The following MMD variants were observed in gnomAD, a reference collection of about 807,000 sequenced individuals.
MMD encodes monocyte to macrophage differentiation associated, also known as monocyte to macrophage differentiation factor.
Under a neutral mutation model 33.6 loss-of-function variants are expected in MMD, and 22 were observed. The observed-to-expected ratio is 0.66, with a 90% confidence interval of 0.47 to 0.94. MMD has a LOEUF of 0.94. Ranked by LOEUF, MMD falls within the 40% of genes least tolerant of loss-of-function variation. MMD has a pLI of 0.00. For missense variants in MMD, 242 were observed against 309.8 expected (o/e 0.78, Z 1.64); for synonymous variants, 97 against 103.2 (o/e 0.94, Z 0.36).
chr17:55,408,092 G>C (rs944559430), intron 3 of MMD, among the ~76,000 whole-genome samples: 2 of 152,196 alleles, frequency 1.3e-5, no homozygotes, highest in Non-Finnish European at 2.9e-5. Context: ...AAAGCCTGAA[G>C]TGGTTAAAGC....
At chr17:55,404,228 G>A (rs566692561) in intron 4 of MMD, among the ~76,000 whole-genome samples, 1 of 152,036 alleles carries the variant, frequency 6.6e-6, no homozygotes, top group African/African-American at 2.4e-5. Context: ...GGTGGCATGT[G>A]CCTGTAATCC....
In MMD at chr17:55,397,507, T is replaced by TTTTA. The variant is rs537636901; in HGVS notation, c.517-2977_517-2974dup. ...GTTTTTTTGTTTTTTCCTTTCCGCA[T>TTTTA]TTTATTTATTTATTTATTTTATTTT... On this transcript the variant is annotated intron_variant, in intron 6 of 6. Coordinates refer to ENST00000262065, the MANE Select transcript of MMD (RefSeq NM_012329.3). Among the ~76,000 whole-genome samples the TTTTA allele has an allele frequency of 1.7e-4, 26 of 151,954 alleles. No homozygotes were observed. The South Asian group carries it at 2.7e-3, about 16-fold the overall frequency.
chr17:55,406,469 G>A (rs1907549234), intron 4 of MMD, among the ~76,000 whole-genome samples: 1 of 152,168 alleles, frequency 6.6e-6, no homozygotes, highest in South Asian at 2.1e-4. Context: ...GCTGAGGCAG[G>A]AGAATCGCTT....
At chr17:55,402,655 G>A (rs1489241011) in intron 5 of MMD, among the ~76,000 whole-genome samples, 1 of 152,140 alleles carries the variant, frequency 6.6e-6, no homozygotes, top group Non-Finnish European at 1.5e-5. Flanking sequence ...ATGGGTTTAT[G>A]GGTTTTGTTT....
chr17:55,398,889 T>C (rs903377610), intron 6 of MMD, among the ~76,000 whole-genome samples: 3 of 152,206 alleles, frequency 2.0e-5, no homozygotes, highest in African/African-American at 7.2e-5. Flanking sequence ...GAATTTCCAT[T>C]TATCTTCCAG....
intron 4 of MMD, 76 bp downstream of exon 4, chr17:55,407,670 G>C (rs1247113885): frequency 5.9e-6 from 8 of 1,352,522 alleles, no homozygotes; most frequent in Non-Finnish European, 8.3e-6. Flanking sequence ...GGGGACAAGA[G>C]GGAGAAAGGA....
At chr17:55,406,700 C>T (rs1207466991) in intron 4 of MMD, among the ~76,000 whole-genome samples, 1 of 151,850 alleles carries the variant, frequency 6.6e-6, no homozygotes, top group African/African-American at 2.4e-5. Flanking sequence ...GTATCGACAA[C>T]ATGGTGAAAC....
At chr17:55,395,590 G>C (rs1401683876) in intron 6 of MMD, among the ~76,000 whole-genome samples, 1 of 152,222 alleles carries the variant, frequency 6.6e-6, no homozygotes, top group East Asian at 1.9e-4. Flanking sequence ...TAAGGACCAG[G>C]TGTGAGGATC....
At chr17:55,407,239 G>GA in intron 4 of MMD, among the ~76,000 whole-genome samples, 1 of 151,798 alleles carries the variant, frequency 6.6e-6, no homozygotes, top group Non-Finnish European at 1.5e-5. Context: ...TGAGGCAGGA[G>GA]AATCTCTTAA....
intron 1 of MMD, among the ~76,000 whole-genome samples, chr17:55,415,102 C>G (rs1024570961): frequency 1.3e-5 from 2 of 152,104 alleles, no homozygotes; most frequent in African/African-American, 4.8e-5. Flanking sequence ...AGCATTCTTC[C>G]ATTTCAGTAT....
intron 5 of MMD, among the ~76,000 whole-genome samples, chr17:55,402,978 G>A (rs1907404211): frequency 6.6e-6 from 1 of 152,140 alleles, no homozygotes; most frequent in South Asian, 2.1e-4. Flanking sequence ...AATAGATACA[G>A]AATTTAATGA....
chr17:55,396,481 C>G (rs1191226227), intron 6 of MMD, among the ~76,000 whole-genome samples: 12 of 152,112 alleles, frequency 7.9e-5, no homozygotes. Flanking sequence ...TTTCATCCAT[C>G]CTTTGTTTCC....
At chr17:55,403,963 A>G in intron 4 of MMD, 95 bp from the exon 5 acceptor site, 1 of 992,272 alleles carries the variant, frequency 1.0e-6, no homozygotes, top group Admixed American at 2.3e-5. Flanking sequence ...TCTTAGGATA[A>G]GAGCAGGAAG....
Position 55,401,483 on chromosome 17 carries a change from C to T in MMD, c.502G>A (p.Val168Met). 6.2e-7 allele frequency: 1 copy of T among 1,610,296 alleles called. No homozygotes were observed. The highest frequency in any genetic ancestry group is 8.5e-7 in the Non-Finnish European group (1 of 1,178,616). ...YLTMGFSPAL[V>M]VTSMNNTDGL... The stretch of plus-strand genomic sequence containing the variant: ...CCATGTCTTACCATTGATGTCACCA[C>T]CAAGGCTGGAGAGAATCCCATTGTG... The change falls in exon 6 of 7, where the codon GTG becomes ATG. Residue 168 changes from valine to methionine, a missense_variant. Physicochemically the swap from Val to Met is conservative, Grantham distance 21. Coordinates refer to ENST00000262065, the MANE Select transcript of MMD (RefSeq NM_012329.3).
In MMD at chr17:55,393,269, C is replaced by G. The variant is rs1275897277; in HGVS notation, c.*1065G>C. ...TTTCTAGGAAAAAAAAAAAAAAACA[C>G]AATATATGAGAAGATGCAAAGGAAA... On this transcript the variant is annotated 3_prime_UTR_variant, in exon 7 of 7. Coordinates refer to ENST00000262065, the MANE Select transcript of MMD (RefSeq NM_012329.3). The G allele has an allele frequency of 7.1e-6, 1 of 141,454 alleles. No homozygotes were observed. The allele number at this position is 141,454 out of a possible 1,614,324, so 8.8% of individuals were successfully genotyped here.
chr17:55,394,379 C>T lies in MMD; in HGVS notation c.672G>A (p.Trp224Ter), dbSNP rs754544936. Residue 224 changes from tryptophan to a stop codon, truncating the protein, a stop_gained, in exon 7 of 7, where the codon TGG becomes TGA. Transcript: ENST00000262065. LOFTEE classifies it high-confidence loss of function. The stretch of plus-strand genomic sequence containing the variant: ...CCGTAGGACTTCGGTAAAGGTATTT[C>T]CAAATGGCGTAGTAATGCACTGCAG... ...TAAAVHYYAIWKYLYRSPTDF... is the reference protein window; with the variant it reads ...TAAAVHYYAI 3 of 1,429,854 alleles carry T rather than the reference C, an allele frequency of 2.1e-6. No individual in the cohort carries two copies. In the Admixed American group the frequency reaches 8.6e-5, roughly 41 times the overall value. The allele number at this position is 1,429,854 out of a possible 1,614,324, so 88.6% of individuals were successfully genotyped here. A position where few individuals can be genotyped will look rare whatever the true frequency, so the allele number is the denominator to read the frequency against.
intron 5 of MMD, among the ~76,000 whole-genome samples, chr17:55,403,330 T>G (rs931218741): frequency 6.6e-6 from 1 of 152,174 alleles, no homozygotes; most frequent in Non-Finnish European, 1.5e-5. Context: ...CCAACATCCT[T>G]TTTCTCAAGA....
intron 3 of MMD, among the ~76,000 whole-genome samples, chr17:55,408,603 G>T (rs1046011312): frequency 6.6e-6 from 1 of 152,072 alleles, no homozygotes; most frequent in Admixed American, 6.5e-5. Context: ...GTCCAAGTAG[G>T]TATAACTATA....
At chr17:55,417,897 AAC>A (rs1490783923) in intron 1 of MMD, among the ~76,000 whole-genome samples, 3 of 152,192 alleles carry the variant, frequency 2.0e-5, no homozygotes, top group African/African-American at 7.2e-5. Context: ...ATAGCACTGT[AAC>A]ACAGTGTTCA....
Sources: gnomAD v4.1 joint callset for allele counts (sites outside exome capture counted in the v4.1 genomes callset) on GRCh38, gnomAD v4.1.1 for gene constraint, MANE v1.5 for transcripts, NCBI Gene and HGNC (gene_info 2026-07-23, HGNC 2026-07-21) for gene names.